Variants in PALM2AKAP2 observed in about 807,000 individuals in gnomAD.
PALM2AKAP2 encodes PALM2 and AKAP2 fusion, also known as PALM2-AKAP2 fusion protein.
Under a neutral mutation model 71.5 loss-of-function variants are expected in PALM2AKAP2, and 37 were observed. The observed-to-expected ratio is 0.52, with a 90% CI of 0.40 to 0.68. The LOEUF is 0.68. Among genes scored for constraint, PALM2AKAP2 ranks in the 30% least tolerant of loss-of-function variants. The pLI, the probability that PALM2AKAP2 is intolerant of heterozygous loss-of-function variation, is 0.00. For synonymous variants in PALM2AKAP2, 468 were observed against 478.8 expected, an observed-to-expected ratio of 0.98 and a Z score of 0.29; for missense variants, 1,224 against 1,191.8, an observed-to-expected ratio of 1.03 and a Z score of -0.40.
chr9:109,893,442 C>CGTTTTGTTTTGTTTT lies in PALM2AKAP2; in HGVS notation c.257+12767_257+12781dup, dbSNP rs60779681. On this transcript the variant is annotated intron_variant, in intron 3 of 9. Coordinates refer to the PALM2AKAP2 transcript ENST00000302798. ...GCTAGAGTTATCTCAGCAGGGGTTT[C>CGTTTTGTTTTGTTTT]GTTTTGTTTTGTTTTGTTTTTGAGA... Among the ~76,000 whole-genome samples, 87 of 151,384 alleles carry CGTTTTGTTTTGTTTT rather than the reference C, an allele frequency of 5.7e-4. 1 individual carries two copies. Among genetic ancestry groups the CGTTTTGTTTTGTTTT allele is most frequent in the South Asian group, 1.7e-3 (8 of 4,744 alleles).
At chr9:109,880,107 T>C (rs1829812001) in intron 2 of PALM2AKAP2, among the ~76,000 whole-genome samples, 1 of 152,242 alleles carries the variant, frequency 6.6e-6, no homozygotes, top group African/African-American at 2.4e-5. Flanking sequence ...TAAAACACTT[T>C]AATATGGACC....
At chr9:110,123,668 A>T (rs1835537334) in intron 1 of PALM2AKAP2, among the ~76,000 whole-genome samples, 1 of 151,996 alleles carries the variant, frequency 6.6e-6, no homozygotes, top group Non-Finnish European at 1.5e-5. Flanking sequence ...TTGCAAACCT[A>T]CTCCTTGGAA....
At chr9:109,794,977 G>A (rs774045753) in intron 1 of PALM2AKAP2, among the ~76,000 whole-genome samples, 1 of 152,222 alleles carries the variant, frequency 6.6e-6, no homozygotes, top group African/African-American at 2.4e-5. Context: ...TCATACATAT[G>A]CTTGATCCTG....
chr9:109,762,808 C>G (rs1163358968), intron 1 of PALM2AKAP2, among the ~76,000 whole-genome samples: 26 of 152,240 alleles, frequency 1.7e-4, no homozygotes, highest in Admixed American at 1.7e-3. Context: ...CCTTGGCAGA[C>G]ATGGCTTTCC....
intron 2 of PALM2AKAP2, among the ~76,000 whole-genome samples, chr9:110,147,137 G>C (rs2119165848): frequency 6.6e-6 from 1 of 151,942 alleles, no homozygotes; most frequent in Admixed American, 6.5e-5. Context: ...TGTAATCCCA[G>C]CTACTCGGGA....
At chr9:110,119,197 G>A (rs1835428668) in intron 1 of PALM2AKAP2, among the ~76,000 whole-genome samples, 2 of 152,100 alleles carry the variant, frequency 1.3e-5, no homozygotes, top group Admixed American at 6.5e-5. Flanking sequence ...ACAAAAATTA[G>A]CTGGGTGTGG....
At chr9:110,003,449 A>G (rs951505311) in intron 6 of PALM2AKAP2, among the ~76,000 whole-genome samples, 1 of 152,166 alleles carries the variant, frequency 6.6e-6, no homozygotes, top group African/African-American at 2.4e-5. Flanking sequence ...TTCACTTCCA[A>G]CTATGTGGTC....
intron 6 of PALM2AKAP2, among the ~76,000 whole-genome samples, chr9:109,969,924 C>G (rs966748106): frequency 7.9e-5 from 12 of 152,184 alleles, no homozygotes; most frequent in African/African-American, 2.9e-4. Context: ...GACCTGAAGG[C>G]CCATTGACCA....
At chr9:109,853,464 A>G (rs1398323621) in intron 1 of PALM2AKAP2, among the ~76,000 whole-genome samples, 1 of 152,192 alleles carries the variant, frequency 6.6e-6, no homozygotes, top group Non-Finnish European at 1.5e-5. Flanking sequence ...ATATCTTTCT[A>G]TTTCATGTAA....
chr9:109,701,095 T>A (rs1362767164), intron 1 of PALM2AKAP2, among the ~76,000 whole-genome samples: 1 of 152,080 alleles, frequency 6.6e-6, no homozygotes, highest in Non-Finnish European at 1.5e-5. Flanking sequence ...AAGGTTGGGG[T>A]ATATATATTA....
chr9:109,690,383 G>T (rs370374784), intron 1 of PALM2AKAP2, among the ~76,000 whole-genome samples: 1 of 152,096 alleles, frequency 6.6e-6, no homozygotes, highest in South Asian at 2.1e-4. Context: ...CTCTTTTTCT[G>T]TCTCTCTCCG....
intron 6 of PALM2AKAP2, among the ~76,000 whole-genome samples, chr9:109,986,090 A>T (rs1832373377): frequency 6.6e-6 from 1 of 152,252 alleles, no homozygotes; most frequent in African/African-American, 2.4e-5. Context: ...ATCTGAAAAC[A>T]TTTAACCTTA....
At chr9:109,719,286 T>C (rs998089376) in intron 1 of PALM2AKAP2, among the ~76,000 whole-genome samples, 8 of 152,078 alleles carry the variant, frequency 5.3e-5, no homozygotes, top group African/African-American at 1.7e-4. Context: ...CTCTAGTGAG[T>C]GGGTTAGGAA....
At chr9:109,797,336 A>T (rs1255449254) in intron 1 of PALM2AKAP2, among the ~76,000 whole-genome samples, 1 of 152,214 alleles carries the variant, frequency 6.6e-6, no homozygotes, top group Non-Finnish European at 1.5e-5. Flanking sequence ...TTTTGAATGG[A>T]AACAGTTGCT....
At chr9:109,848,160 A>G (rs750261240) in intron 1 of PALM2AKAP2, among the ~76,000 whole-genome samples, 31 of 152,200 alleles carry the variant, frequency 2.0e-4, no homozygotes, top group South Asian at 4.1e-4. Flanking sequence ...TATATTGATG[A>G]TACTTCTTAA....
chr9:109,868,538 A>C (rs549998487), intron 2 of PALM2AKAP2, among the ~76,000 whole-genome samples: 77 of 152,072 alleles, frequency 5.1e-4, no homozygotes, highest in Admixed American at 2.1e-3. Context: ...AATTATCTAG[A>C]TTTTTTTCAA....
At chr9:109,716,421 A>G (rs1828320385) in intron 1 of PALM2AKAP2, among the ~76,000 whole-genome samples, 1 of 152,188 alleles carries the variant, frequency 6.6e-6, no homozygotes, top group African/African-American at 2.4e-5. Context: ...TTACCAGATA[A>G]AATACAGGAT....
At chr9:109,823,084 C>T (rs970084906) in intron 1 of PALM2AKAP2, among the ~76,000 whole-genome samples, 4 of 152,154 alleles carry the variant, frequency 2.6e-5, no homozygotes, top group Admixed American at 6.6e-5. Context: ...GAGAGACTCT[C>T]GTCAGATCAG....
intron 1 of PALM2AKAP2, among the ~76,000 whole-genome samples, chr9:109,841,422 G>A (rs1305832650): frequency 1.4e-5 from 2 of 143,036 alleles, no homozygotes; most frequent in Admixed American, 7.2e-5. Flanking sequence ...TGTAAATGAT[G>A]AGTTAATGGG....
Sources: allele counts gnomAD v4.1 joint callset (sites outside exome capture counted in the v4.1 genomes callset), GRCh38; gene constraint gnomAD v4.1.1; transcripts MANE v1.5; gene names NCBI Gene and HGNC (gene_info 2026-07-23, HGNC 2026-07-21).